The following MACC1 variants were observed in gnomAD, a reference collection of about 807,000 sequenced individuals.
MACC1 encodes MET transcriptional regulator MACC1.
A neutral mutation model predicts 70.7 loss-of-function variants in MACC1; 79 were observed. That is an observed-to-expected ratio of 1.12 (90% confidence interval 0.93 to 1.35). The LOEUF (loss-of-function observed/expected upper bound fraction) is 1.35, where lower values mean the gene tolerates loss of function less well. Among genes scored for constraint, MACC1 ranks in the 40% most tolerant of loss-of-function variants. MACC1 has a pLI of 0.00. For missense variants in MACC1, 1,106 were observed against 978.1 expected (o/e 1.13, Z -1.74); for synonymous variants, 361 against 347.2 (o/e 1.04, Z -0.44).
intron 6 of MACC1, among the ~76,000 whole-genome samples, chr7:20,153,088 G>A (rs185878711): frequency 4.5e-4 from 68 of 152,234 alleles, no homozygotes; most frequent in Non-Finnish European, 8.5e-4. Context: ...GATAAATGTA[G>A]TCTCTGAGGG....
rs1259220282 is a variant in MACC1, at chr7:20,144,568, T to A, written c.2347-3410A>T. On this transcript the variant is annotated intron_variant, in intron 6 of 6. Transcript: ENST00000400331. ...CAAATTTTGTGTTCAAAATACCTCA[T>A]GATGTATCTGGCATATAGTTTGCAT... 2.0e-5 allele frequency among the ~76,000 whole-genome samples: 3 copies of A among 152,174 alleles called. No individual in the cohort carries two copies. In the South Asian group the frequency reaches 6.2e-4, roughly 32 times the overall value.
intron 1 of MACC1, among the ~76,000 whole-genome samples, chr7:20,180,107 T>C (rs1012965279): frequency 1.3e-5 from 2 of 152,330 alleles, no homozygotes; most frequent in Middle Eastern, 3.4e-3. Flanking sequence ...CAGGAGAGAA[T>C]ATACTTATTC....
intron 1 of MACC1, among the ~76,000 whole-genome samples, chr7:20,175,791 G>A (rs931308716): frequency 2.8e-4 from 42 of 152,084 alleles, no homozygotes; most frequent in African/African-American, 9.9e-4. Context: ...TGGCCCCAGT[G>A]ATAAAACCTA....
At chr7:20,204,847 T>C (rs1239643917) in intron 1 of MACC1, among the ~76,000 whole-genome samples, 2 of 152,252 alleles carry the variant, frequency 1.3e-5, no homozygotes, top group African/African-American at 2.4e-5. Flanking sequence ...GTAATACTTG[T>C]ACTGCTTTTT....
chr7:20,204,558 A>G (rs895920503), intron 1 of MACC1, among the ~76,000 whole-genome samples: 1 of 152,204 alleles, frequency 6.6e-6, no homozygotes, highest in African/African-American at 2.4e-5. Flanking sequence ...ATCCGAGTCC[A>G]AGTGAAAAGC....
chr7:20,166,465 C>A (rs1782220729), intron 2 of MACC1, among the ~76,000 whole-genome samples: 1 of 152,192 alleles, frequency 6.6e-6, no homozygotes. Context: ...CCTAGGGCAA[C>A]TTCTGATGGA....
chr7:20,186,026 C>G (rs1382461447), intron 1 of MACC1, among the ~76,000 whole-genome samples: 2 of 140,678 alleles, frequency 1.4e-5, no homozygotes, highest in East Asian at 5.0e-4. Context: ...TCCTTGGACC[C>G]TAATGTAGAA....
intron 1 of MACC1, among the ~76,000 whole-genome samples, chr7:20,191,623 T>C (rs1782673949): frequency 6.6e-6 from 1 of 152,126 alleles, no homozygotes; most frequent in Non-Finnish European, 1.5e-5. Context: ...GATGCAGGCA[T>C]CCATAGCTTC....
chr7:20,152,558 T>C (rs1433101278), intron 6 of MACC1, among the ~76,000 whole-genome samples: 2 of 152,226 alleles, frequency 1.3e-5, no homozygotes, highest in Non-Finnish European at 2.9e-5. Context: ...AACATGAATC[T>C]GAGTGATGAC....
chr7:20,192,641 A>G (rs535438725), intron 1 of MACC1, among the ~76,000 whole-genome samples: 1 of 152,344 alleles, frequency 6.6e-6, no homozygotes, highest in Non-Finnish European at 1.5e-5. Flanking sequence ...TCAGCCACCA[A>G]ATTGTGAAAT....
chr7:20,177,054 C>T (rs1458303173), intron 1 of MACC1, among the ~76,000 whole-genome samples: 2 of 152,124 alleles, frequency 1.3e-5, no homozygotes, highest in Non-Finnish European at 2.9e-5. Flanking sequence ...TATACATACA[C>T]ACCTTGTACA....
chr7:20,194,148 A>G (rs1782714841), intron 1 of MACC1, among the ~76,000 whole-genome samples: 1 of 152,180 alleles, frequency 6.6e-6, no homozygotes, highest in Non-Finnish European at 1.5e-5. Context: ...TCAGTTGTCA[A>G]ATACGATGGA....
At chr7:20,146,845 A>G (rs997129550) in intron 6 of MACC1, among the ~76,000 whole-genome samples, 1 of 152,214 alleles carries the variant, frequency 6.6e-6, no homozygotes, top group South Asian at 2.1e-4. Flanking sequence ...AATATTTAAT[A>G]CATAGGCTGC....
In MACC1 at chr7:20,158,918, G is replaced by T; in HGVS notation, c.1443C>A (p.His481Gln). The T allele has an allele frequency of 6.2e-7, 1 of 1,613,956 alleles. No individual in the cohort carries two copies. Among genetic ancestry groups the T allele is most frequent in the Non-Finnish European group, 8.5e-7 (1 of 1,179,966 alleles). Residue 481 changes from histidine to glutamine, a missense_variant, in exon 5 of 7, where the codon CAC becomes CAA. By Grantham distance (24) the His-to-Gln change is conservative. Coordinates refer to ENST00000400331, the MANE Select transcript of MACC1 (RefSeq NM_182762.4). ...LFSLVEHREM[H>Q]LFDFCVQVEP... is the part of the protein sequence containing the mutation. ...CCACTTGAACACAAAAATCAAACAA[G>T]TGCATCTCTCTGTGCTCAACTAAAG...
At chr7:20,171,818 G>A (rs1157701796) in intron 1 of MACC1, among the ~76,000 whole-genome samples, 2 of 152,086 alleles carry the variant, frequency 1.3e-5, no homozygotes, top group African/African-American at 2.4e-5. Flanking sequence ...CCTACCTCAG[G>A]TGATCTGCCC....
rs752881270 is a variant in MACC1, at chr7:20,160,218, T to A, written c.143A>T (p.Asn48Ile). The change falls in exon 5 of 7, where the codon AAT (asparagine) becomes ATT (isoleucine). Residue 48 changes from asparagine to isoleucine, a missense_variant. Asn to Ile is a moderately radical substitution (Grantham distance 149). Transcript: ENST00000400331. Reference sequence around the variant, plus strand: ...ACGAAGGGTGAAAGCATCCGGCCAATTGTGAAGCAAGTCTGGGTCCTGGCA... The same window carrying A: ...ACGAAGGGTGAAAGCATCCGGCCAAATGTGAAGCAAGTCTGGGTCCTGGCA... ...TECQDPDLLH[N>I]WPDAFTLRGN... is the part of the protein sequence containing the mutation. 6.3e-7 allele frequency: 1 copy of A among 1,582,350 alleles called. No homozygotes were observed.
At chr7:20,193,094 A>G (rs1782697021) in intron 1 of MACC1, among the ~76,000 whole-genome samples, 1 of 152,206 alleles carries the variant, frequency 6.6e-6, no homozygotes, top group Non-Finnish European at 1.5e-5. Flanking sequence ...AAGGTATACA[A>G]TAATATCATA....
intron 6 of MACC1, 101 bp downstream of exon 6, chr7:20,154,092 C>T: frequency 8.2e-7 from 1 of 1,221,846 alleles, no homozygotes; most frequent in Non-Finnish European, 1.2e-6. Context: ...TCATCTTGGA[C>T]ATTCCCCCAG....
Position 20,160,017 on chromosome 7 carries a change from G to T in MACC1, c.344C>A (p.Ser115Tyr). The change falls in exon 5 of 7, where the codon TCC (serine) becomes TAC (tyrosine). Residue 115 changes from serine to tyrosine, a missense_variant. Ser to Tyr is a moderately radical substitution (Grantham distance 144). Transcript: ENST00000400331. ...ATGCACATCAAGTTCATCACCGGAGGAATCAAAAGAATTTCCATTTTCTAT... is the reference window on the plus strand; with the variant it reads ...ATGCACATCAAGTTCATCACCGGAGTAATCAAAAGAATTTCCATTTTCTAT... ...REIENGNSFD[S>Y]SGDELDVHQL... 1.2e-6 allele frequency: 2 copies of T among 1,611,452 alleles called. No homozygotes were observed. The highest frequency in any genetic ancestry group is 1.7e-6 in the Non-Finnish European group (2 of 1,179,180).
Sources: allele counts gnomAD v4.1 joint callset (sites outside exome capture counted in the v4.1 genomes callset), GRCh38; gene constraint gnomAD v4.1.1; transcripts MANE v1.5; gene names NCBI Gene and HGNC (gene_info 2026-07-23, HGNC 2026-07-21).